MAP3K9: variants seen among roughly 807,000 people sequenced by gnomAD.
The protein encoded by MAP3K9 is mixed lineage kinase 1 (tyr and ser/thr specificity).
MAP3K9 carries 46 observed loss-of-function variants against 95.8 expected under a neutral mutation model. The observed-to-expected ratio is 0.48, with a 90% CI of 0.38 to 0.61. The LOEUF (loss-of-function observed/expected upper bound fraction) is 0.61, where lower values mean the gene tolerates loss of function less well. MAP3K9 is among the 20% of genes least tolerant of loss of function. The pLI is 0.00. For missense variants in MAP3K9, 1,296 were observed against 1,474.3 expected (o/e 0.88, Z 1.98); for synonymous variants, 533 against 593.8 (o/e 0.90, Z 1.49).
intron 2 of MAP3K9, among the ~76,000 whole-genome samples, chr14:70,783,804 C>A (rs937171493): frequency 1.3e-5 from 2 of 152,236 alleles, no homozygotes; most frequent in African/African-American, 4.8e-5. Flanking sequence ...GGCCCGCTCA[C>A]CTCCCAGACT....
intron 2 of MAP3K9, among the ~76,000 whole-genome samples, chr14:70,777,568 G>C (rs1041510875): frequency 1.3e-5 from 2 of 152,314 alleles, no homozygotes; most frequent in African/African-American, 4.8e-5. Flanking sequence ...GGTTCAGAAA[G>C]TCTTCCCTAT....
chr14:70,753,460 A>T (rs773402444), intron 3 of MAP3K9, among the ~76,000 whole-genome samples: 2 of 152,208 alleles, frequency 1.3e-5, no homozygotes, highest in Non-Finnish European at 2.9e-5. Context: ...TGTTGGTGGG[A>T]AAAAAGACTG....
intron 4 of MAP3K9, chr14:70,749,687 G>C (rs1401266791): frequency 1.1e-5 from 5 of 455,474 alleles, no homozygotes; most frequent in Non-Finnish European, 1.9e-5. Flanking sequence ...ATAATATGCT[G>C]AAGTGCCGGA....
chr14:70,786,181 T>C (rs2054742682), intron 2 of MAP3K9, among the ~76,000 whole-genome samples: 1 of 152,218 alleles, frequency 6.6e-6, no homozygotes, highest in Admixed American at 6.5e-5. Flanking sequence ...CCCTTGTCAC[T>C]AGCTGCTGTG....
At position 70,777,476 on chromosome 14, in the gene MAP3K9, G is replaced by A. The variant is rs112260692; in HGVS notation, c.821-16294C>T. On this transcript the variant is annotated intron_variant, in intron 2 of 11. Transcript: ENST00000554752. Reference sequence around the variant, plus strand: ...ATTACTCACTGCTCATTCATCCCAGGAAAGACCCTCCTGACATACTCAAAA... The same window carrying A: ...ATTACTCACTGCTCATTCATCCCAGAAAAGACCCTCCTGACATACTCAAAA... 4.1e-3 allele frequency among the ~76,000 whole-genome samples: 629 copies of A among 152,234 alleles called. 4 individuals are homozygous for A. The highest frequency in any genetic ancestry group is 0.015 in the African/African-American group (610 of 41,546).
chr14:70,747,981 G>A (rs1228962326), intron 5 of MAP3K9, among the ~76,000 whole-genome samples: 2 of 150,102 alleles, frequency 1.3e-5, no homozygotes, highest in East Asian at 2.0e-4. Flanking sequence ...GGTGGCGGGC[G>A]CCTGTAGTCC....
chr14:70,790,282 G>A (rs368136196), intron 2 of MAP3K9, among the ~76,000 whole-genome samples: 2 of 152,220 alleles, frequency 1.3e-5, no homozygotes, highest in East Asian at 1.9e-4. Context: ...AACAAGCCCC[G>A]AAGTGGGGAA....
chr14:70,736,245 G>A (rs952182785), intron 8 of MAP3K9, among the ~76,000 whole-genome samples: 30 of 152,162 alleles, frequency 2.0e-4, no homozygotes, highest in Admixed American at 3.9e-4. Context: ...GCTGCAGCAC[G>A]GTTGCAGGGG....
chr14:70,769,217 CA>C (rs1416826269), intron 2 of MAP3K9, among the ~76,000 whole-genome samples: 11 of 152,140 alleles, frequency 7.2e-5, no homozygotes, highest in African/African-American at 2.7e-4. Context: ...AGTGAAACTC[CA>C]TTTCTAAAAT....
At position 70,733,321 on chromosome 14, in the gene MAP3K9, G is replaced by T. The variant is rs759030999; in HGVS notation, c.2048C>A (p.Pro683Gln). Reference sequence around the variant, plus strand: ...CTGTAGGCGACTCTCTCCACTCCCTGGGCCTTCACTGTCCTCATCCTCTGT... The same window carrying T: ...CTGTAGGCGACTCTCTCCACTCCCTTGGCCTTCACTGTCCTCATCCTCTGT... ...MEMEDEDSEGPGSGESRLQHS... is the reference protein window; with the variant it reads ...MEMEDEDSEGQGSGESRLQHS... Residue 683 changes from proline (P) to glutamine (Q), a missense_variant, in exon 11 of 12, where the codon CCA becomes CAA. By Grantham distance (76) the Pro-to-Gln change is moderately conservative (BLOSUM62 -1). This residue lies in a region of MAP3K9 where 377 missense variants were observed against 417.1 expected (regional missense o/e 0.90). Coordinates refer to ENST00000554752, the MANE Select transcript of MAP3K9 (RefSeq NM_001284230.2). 2 of 1,460,080 alleles carry T rather than the reference G, an allele frequency of 1.4e-6. No individual in the cohort carries two copies. The highest frequency in any genetic ancestry group is 9.5e-7 in the Non-Finnish European group (1 of 1,055,992). The allele number at this position is 1,460,080 out of a possible 1,614,324, so 90.4% of individuals were successfully genotyped here. A position where few individuals can be genotyped will look rare whatever the true frequency, so the allele number is the denominator to read the frequency against.
At chr14:70,754,305 T>A (rs1566743008) in intron 3 of MAP3K9, among the ~76,000 whole-genome samples, 3 of 152,262 alleles carry the variant, frequency 2.0e-5, no homozygotes, top group Non-Finnish European at 1.5e-5. Context: ...AAGCAACTTT[T>A]AAAACAGAAA....
At chr14:70,773,203 A>C (rs896751768) in intron 2 of MAP3K9, among the ~76,000 whole-genome samples, 2 of 152,234 alleles carry the variant, frequency 1.3e-5, no homozygotes, top group African/African-American at 4.8e-5. Flanking sequence ...CCCCCAAGGA[A>C]GGAATTACCT....
At chr14:70,798,729 C>T (rs1459581085) in intron 2 of MAP3K9, among the ~76,000 whole-genome samples, 3 of 151,874 alleles carry the variant, frequency 2.0e-5, no homozygotes, top group Non-Finnish European at 2.9e-5. Context: ...CCGCCCGCCT[C>T]GGCCTCCCAA....
intron 2 of MAP3K9, among the ~76,000 whole-genome samples, chr14:70,762,431 G>A (rs2054388753): frequency 1.3e-5 from 2 of 152,092 alleles, no homozygotes; most frequent in African/African-American, 2.4e-5. Flanking sequence ...TATTCTTAAT[G>A]CCATCCTAGT....
intron 3 of MAP3K9, among the ~76,000 whole-genome samples, chr14:70,758,767 C>CTT (rs1000650160): frequency 1.4e-5 from 2 of 144,338 alleles, no homozygotes; most frequent in Admixed American, 6.9e-5. Context: ...ATGGATGAAT[C>CTT]TTTTTTTTTT....
At position 70,735,072 on chromosome 14, in the gene MAP3K9, T is replaced by C. The variant is rs2053965295; in HGVS notation, c.1914-574A>G. 2.6e-5 allele frequency among the ~76,000 whole-genome samples: 4 copies of C among 152,364 alleles called. No homozygotes were observed. The South Asian group carries it at 8.3e-4, about 32-fold the overall frequency. ...ACAAAGCTGCACCAACCCAGTGCACTGTGGGACAGACCTACGTGGGTAGTG... is the reference window on the plus strand; with the variant it reads ...ACAAAGCTGCACCAACCCAGTGCACCGTGGGACAGACCTACGTGGGTAGTG... On this transcript the variant is annotated intron_variant, in intron 9 of 11. Coordinates refer to ENST00000554752, the MANE Select transcript of MAP3K9 (RefSeq NM_001284230.2).
At chr14:70,765,674 CT>C (rs1402610881) in intron 2 of MAP3K9, among the ~76,000 whole-genome samples, 1 of 149,950 alleles carries the variant, frequency 6.7e-6, no homozygotes, top group African/African-American at 2.5e-5. Context: ...AATCTTTCGG[CT>C]TCCCTGGGCC....
intron 1 of MAP3K9, among the ~76,000 whole-genome samples, chr14:70,805,573 T>C (rs2054980886): frequency 6.6e-6 from 1 of 152,230 alleles, no homozygotes; most frequent in South Asian, 2.1e-4. Context: ...TATAATATCA[T>C]TTTTATATGT....
chr14:70,786,819 A>G (rs1167527356), intron 2 of MAP3K9, among the ~76,000 whole-genome samples: 2 of 152,196 alleles, frequency 1.3e-5, no homozygotes, highest in Non-Finnish European at 2.9e-5. Flanking sequence ...AATGACCAGA[A>G]TCCAAAATCT....
Sources: gnomAD v4.1 joint callset for allele counts (sites outside exome capture counted in the v4.1 genomes callset) on GRCh38, gnomAD v4.1.1 for gene constraint, gnomAD v4.1.1 regional missense constraint, MANE v1.5 for transcripts, NCBI Gene and HGNC (gene_info 2026-07-23, HGNC 2026-07-21) for gene names.